The following SGCZ variants were observed in gnomAD, a reference collection of about 807,000 sequenced individuals.
SGCZ encodes the protein zeta-sarcoglycan.
Under a neutral mutation model 41.3 loss-of-function variants are expected in SGCZ, and 40 were observed. The observed-to-expected ratio is 0.97, with a 90% CI of 0.75 to 1.26. The LOEUF (loss-of-function observed/expected upper bound fraction) is 1.26, where lower values mean the gene tolerates loss of function less well. SGCZ is among the 50% of genes most tolerant of loss of function. SGCZ has a pLI of 0.00. For synonymous variants in SGCZ, 206 were observed against 137.5 expected, an observed-to-expected ratio of 1.50 and a Z score of -3.49; for missense variants, 552 against 369.8, an observed-to-expected ratio of 1.49 and a Z score of -4.04.
In SGCZ at chr8:15,194,804, C is replaced by T. The variant is rs1800667231; in HGVS notation, c.39+42781G>A. 2.0e-5 allele frequency among the ~76,000 whole-genome samples: 3 copies of T among 151,562 alleles called. No individual in the cohort carries two copies. The South Asian group carries it at 6.2e-4, about 31-fold the overall frequency. On this transcript the variant is annotated intron_variant, in intron 1 of 7. Coordinates refer to ENST00000382080, the MANE Select transcript of SGCZ (RefSeq NM_139167.4). ...TCAGAAAGCAGCCCTGCTGAAAACCCGATTTTAGCCAAATGAAACTCATTC... is the reference window on the plus strand; with the variant it reads ...TCAGAAAGCAGCCCTGCTGAAAACCTGATTTTAGCCAAATGAAACTCATTC...
chr8:15,197,723 G>C (rs756469558), intron 1 of SGCZ, among the ~76,000 whole-genome samples: 2 of 152,036 alleles, frequency 1.3e-5, no homozygotes, highest in Non-Finnish European at 2.9e-5. Flanking sequence ...CAAAAACAGG[G>C]GGAGGCAAGG....
At chr8:14,621,996 G>T (rs1806302496) in intron 1 of SGCZ, among the ~76,000 whole-genome samples, 1 of 151,906 alleles carries the variant, frequency 6.6e-6, no homozygotes, top group Non-Finnish European at 1.5e-5. Flanking sequence ...GCCTATTTGT[G>T]CTCTACAGAT....
intron 1 of SGCZ, among the ~76,000 whole-genome samples, chr8:14,775,437 CA>C (rs1244838601): frequency 6.7e-6 from 1 of 148,796 alleles, no homozygotes; most frequent in Non-Finnish European, 1.5e-5. Flanking sequence ...CTGTGTATGA[CA>C]GTATGCTGAG....
At chr8:14,581,593 C>A (rs994709704) in intron 1 of SGCZ, among the ~76,000 whole-genome samples, 3 of 152,020 alleles carry the variant, frequency 2.0e-5, no homozygotes, top group African/African-American at 7.3e-5. Context: ...CTTACTTTGT[C>A]CAGAGGCAAA....
intron 2 of SGCZ, among the ~76,000 whole-genome samples, chr8:14,399,353 G>T (rs952159091): frequency 6.6e-6 from 1 of 152,046 alleles, no homozygotes; most frequent in Non-Finnish European, 1.5e-5. Context: ...GAATCTGACA[G>T]GCCTGGGCAT....
chr8:14,781,420 G>T (rs747775777), intron 1 of SGCZ, among the ~76,000 whole-genome samples: 1 of 151,942 alleles, frequency 6.6e-6, no homozygotes, highest in Non-Finnish European at 1.5e-5. Flanking sequence ...GTAGAGATGG[G>T]TTTTTGCCAT....
intron 2 of SGCZ, among the ~76,000 whole-genome samples, chr8:14,348,063 G>A (rs564964144): frequency 1.3e-5 from 2 of 152,036 alleles, no homozygotes; most frequent in African/African-American, 4.8e-5. Flanking sequence ...AACCAGGCAC[G>A]GAGACCCAGC....
At chr8:14,222,313 G>T (rs970222636) in intron 4 of SGCZ, among the ~76,000 whole-genome samples, 1 of 151,854 alleles carries the variant, frequency 6.6e-6, no homozygotes, top group African/African-American at 2.4e-5. Context: ...GGGACTACAG[G>T]CACCCACCAC....
chr8:14,384,042 G>A (rs2117198880), intron 2 of SGCZ, among the ~76,000 whole-genome samples: 1 of 151,318 alleles, frequency 6.6e-6, no homozygotes, highest in South Asian at 2.1e-4. Context: ...GTATACATGT[G>A]CCATATTGGT....
chr8:14,879,510 C>T lies in SGCZ; in HGVS notation c.40-324584G>A, dbSNP rs565691152. ...CTTGGGAAGTATCTCCTGATTCAGCCCATTGTTTTGCTCTGAGTTTCTTAT... is the reference window on the plus strand; with the variant it reads ...CTTGGGAAGTATCTCCTGATTCAGCTCATTGTTTTGCTCTGAGTTTCTTAT... On this transcript the variant is annotated intron_variant, in intron 1 of 7. Coordinates refer to ENST00000382080, the MANE Select transcript of SGCZ (RefSeq NM_139167.4). Among the ~76,000 whole-genome samples the T allele has an allele frequency of 4.6e-5, 7 of 151,646 alleles. No homozygotes were observed. The East Asian group carries it at 1.4e-3, about 29-fold the overall frequency.
intron 1 of SGCZ, among the ~76,000 whole-genome samples, chr8:15,126,077 C>A (rs565838069): frequency 2.1e-4 from 32 of 152,256 alleles, no homozygotes; most frequent in African/African-American, 6.7e-4. Context: ...ACCCTGGAGG[C>A]GGAGGCTGCA....
chr8:15,014,478 G>C lies in SGCZ; in HGVS notation c.39+223107C>G, dbSNP rs372993402. Among the ~76,000 whole-genome samples, 28 of 152,324 alleles carry C rather than the reference G, an allele frequency of 1.8e-4. 1 individual carries two copies. The East Asian group carries it at 3.5e-3, about 19-fold the overall frequency. On this transcript the variant is annotated intron_variant, in intron 1 of 7. Coordinates refer to ENST00000382080, the MANE Select transcript of SGCZ (RefSeq NM_139167.4). The stretch of plus-strand genomic sequence containing the variant: ...ATCTTCCCTAAGCACCTAACAAAGA[G>C]TTACTTTATACCTTCACTTATTGCT...
At chr8:14,320,079 C>T (rs908225421) in intron 3 of SGCZ, among the ~76,000 whole-genome samples, 6 of 150,928 alleles carry the variant, frequency 4.0e-5, no homozygotes, top group East Asian at 3.9e-4. Flanking sequence ...AATTATATAC[C>T]GGTGATATGT....
chr8:14,933,435 T>TC (rs1334887887), intron 1 of SGCZ, among the ~76,000 whole-genome samples: 9 of 138,292 alleles, frequency 6.5e-5, no homozygotes, highest in South Asian at 4.5e-4. Flanking sequence ...TTTTTTCTTT[T>TC]TTTTTTTTTT....
intron 1 of SGCZ, among the ~76,000 whole-genome samples, chr8:15,210,005 C>G (rs142443653): frequency 2.0e-5 from 3 of 152,088 alleles, no homozygotes; most frequent in African/African-American, 7.2e-5. Context: ...CATTTCTCTT[C>G]TTTCCCATCA....
intron 1 of SGCZ, among the ~76,000 whole-genome samples, chr8:14,957,076 TA>T (rs1800816914): frequency 6.6e-6 from 1 of 152,254 alleles, no homozygotes; most frequent in South Asian, 2.1e-4. Context: ...AGAGAAAAAT[TA>T]AATTTTTGGC....
intron 1 of SGCZ, among the ~76,000 whole-genome samples, chr8:15,019,001 G>A (rs1050897867): frequency 6.6e-5 from 10 of 152,284 alleles, no homozygotes; most frequent in East Asian, 1.9e-4. Context: ...GATCAAAGCA[G>A]GAAGTGCTAC....
chr8:14,540,933 T>C (rs1485919026), intron 2 of SGCZ, among the ~76,000 whole-genome samples: 1 of 151,624 alleles, frequency 6.6e-6, no homozygotes, highest in Admixed American at 6.6e-5. Flanking sequence ...GTTTAGTTGA[T>C]GTTAACTTCA....
chr8:14,995,631 G>A (rs1371258929), intron 1 of SGCZ, among the ~76,000 whole-genome samples: 1 of 152,156 alleles, frequency 6.6e-6, no homozygotes, highest in Non-Finnish European at 1.5e-5. Flanking sequence ...ATTCACTTGA[G>A]AGAAAGGAGG....
Sources: allele counts gnomAD v4.1 joint callset (sites outside exome capture counted in the v4.1 genomes callset), GRCh38; gene constraint gnomAD v4.1.1; transcripts MANE v1.5; gene names NCBI Gene and HGNC (gene_info 2026-07-23, HGNC 2026-07-21).